Variants in SUCLG2 observed in about 807,000 individuals in gnomAD.
The protein encoded by SUCLG2 is succinate-CoA ligase GDP-forming subunit beta.
A neutral mutation model predicts 47.9 loss-of-function variants in SUCLG2; 42 were observed. That is an observed-to-expected ratio of 0.88 (90% CI 0.69 to 1.14). The LOEUF (loss-of-function observed/expected upper bound fraction) is 1.14. Among genes scored for constraint, SUCLG2 ranks in the 50% most tolerant of loss-of-function variants. SUCLG2 has a pLI of 0.00. For missense variants in SUCLG2, 571 were observed against 525.9 expected (o/e 1.09, Z -0.84); for synonymous variants, 195 against 197.3 (o/e 0.99, Z 0.10).
At chr3:67,396,254 A>G (rs992868668) in intron 10 of SUCLG2, among the ~76,000 whole-genome samples, 2 of 152,182 alleles carry the variant, frequency 1.3e-5, no homozygotes, top group African/African-American at 2.4e-5. Flanking sequence ...GAAAGGATCA[A>G]CAAAATTGAT....
intron 9 of SUCLG2, among the ~76,000 whole-genome samples, chr3:67,411,493 C>G (rs562897477): frequency 4.1e-4 from 62 of 152,072 alleles, no homozygotes; most frequent in Non-Finnish European, 7.5e-4. Context: ...GGATAAATAT[C>G]TGGCTGGAAA....
chr3:67,405,877 T>G (rs749179621), intron 9 of SUCLG2, among the ~76,000 whole-genome samples: 1 of 152,236 alleles, frequency 6.6e-6, no homozygotes, highest in Non-Finnish European at 1.5e-5. Flanking sequence ...GTATATGTAC[T>G]AACGCATTTA....
At chr3:67,505,310 A>G (rs2107087810) in intron 7 of SUCLG2, among the ~76,000 whole-genome samples, 1 of 152,338 alleles carries the variant, frequency 6.6e-6, no homozygotes, top group South Asian at 2.1e-4. Context: ...TCCACACCTT[A>G]GACTTCCCTG....
At chr3:67,567,190 A>G (rs1252837111) in intron 2 of SUCLG2, among the ~76,000 whole-genome samples, 1 of 152,226 alleles carries the variant, frequency 6.6e-6, no homozygotes, top group East Asian at 1.9e-4. Flanking sequence ...CTCAAAAGAA[A>G]AAAAAAAGGT....
At position 67,609,467 on chromosome 3, in the gene SUCLG2, C is replaced by G; in HGVS notation, c.214G>C (p.Ala72Pro). The change falls in exon 2 of 11, where the codon GCT (alanine) becomes CCT (proline). Residue 72 changes from alanine to proline, a missense_variant. Transcript: ENST00000307227. ...ADTANEALEA[A>P]KRLNAKEIVL... Reference sequence around the variant, plus strand: ...TGAATCAGCTTACTTAGTCTCTTAGCAGCCTCGAGAGCTTCATTTGCAGTG... The same window carrying G: ...TGAATCAGCTTACTTAGTCTCTTAGGAGCCTCGAGAGCTTCATTTGCAGTG... 6.2e-7 allele frequency: 1 copy of G among 1,612,076 alleles called. No individual in the cohort carries two copies. Among genetic ancestry groups the G allele is most frequent in the South Asian group, 1.1e-5 (1 of 90,908 alleles).
intron 9 of SUCLG2, among the ~76,000 whole-genome samples, chr3:67,457,904 T>C (rs1488437087): frequency 1.3e-5 from 2 of 150,558 alleles, no homozygotes; most frequent in African/African-American, 2.5e-5. Context: ...CTTTGGATCC[T>C]GGCTGAGTCT....
chr3:67,588,019 G>C lies in SUCLG2; in HGVS notation c.226+21436C>G, dbSNP rs963131997. ...AACAGATGGTCACTTAGAGACAGGA[G>C]AAGATGCTAGCATTCTGTTTTACAC... On this transcript the variant is annotated intron_variant, in intron 2 of 10. Coordinates refer to ENST00000307227, the MANE Select transcript of SUCLG2 (RefSeq NM_003848.4). Among the ~76,000 whole-genome samples, 2 of 152,188 alleles carry C rather than the reference G, an allele frequency of 1.3e-5. 1 individual carries two copies. Among genetic ancestry groups the C allele is most frequent in the Non-Finnish European group, 2.9e-5 (2 of 68,036 alleles).
downstream of SUCLG2, among the ~76,000 whole-genome samples, chr3:67,372,795 G>A (rs777714469): frequency 2.6e-5 from 4 of 152,022 alleles, no homozygotes; most frequent in Admixed American, 2.0e-4. Context: ...ACAATACTCC[G>A]TTGCTGTCAT....
chr3:67,376,212 G>C, intron 10 of SUCLG2: 1 of 985,384 alleles, frequency 1.0e-6, no homozygotes, highest in Non-Finnish European at 1.2e-6. Context: ...TCAGGGGTTT[G>C]GGCTGTGACC....
At chr3:67,525,741 G>C (rs947477373) in intron 4 of SUCLG2, among the ~76,000 whole-genome samples, 4 of 152,058 alleles carry the variant, frequency 2.6e-5, no homozygotes, top group African/African-American at 9.7e-5. Flanking sequence ...ACTTAGACCT[G>C]ATACTAAAAA....
In SUCLG2 at chr3:67,541,366, AC is replaced by A. The variant is rs575594103; in HGVS notation, c.227-12181del. On this transcript the variant is annotated intron_variant, in intron 2 of 10. Coordinates refer to ENST00000307227, the MANE Select transcript of SUCLG2 (RefSeq NM_003848.4). ...ACCAGTTTTGAGAAGAACATAAATG[AC>A]CTAATGGAGCTGAAGGATACACAAG... 1.7e-3 allele frequency among the ~76,000 whole-genome samples: 253 copies of A among 152,302 alleles called. 3 individuals carry two copies. The highest frequency in any genetic ancestry group is 2.1e-3 in the Non-Finnish European group (144 of 68,036).
intron 6 of SUCLG2, among the ~76,000 whole-genome samples, chr3:67,512,807 A>G (rs969899649): frequency 1.3e-5 from 2 of 150,552 alleles, no homozygotes; most frequent in African/African-American, 2.5e-5. Flanking sequence ...TGCCTCTGGC[A>G]ACATCATTCT....
chr3:67,369,477 A>C (rs531608275), intron 10 of SUCLG2, among the ~76,000 whole-genome samples: 1 of 152,232 alleles, frequency 6.6e-6, no homozygotes, highest in Non-Finnish European at 1.5e-5. Flanking sequence ...CTTATCTGAG[A>C]TCAGTTGTCT....
chr3:67,400,026 T>TAACAAACA (rs150323484), intron 10 of SUCLG2, among the ~76,000 whole-genome samples: 3 of 151,730 alleles, frequency 2.0e-5, no homozygotes, highest in Non-Finnish European at 4.4e-5. Flanking sequence ...ACAAACAAAC[T>TAACAAACA]AACAAACAAA....
intron 1 of SUCLG2, among the ~76,000 whole-genome samples, chr3:67,651,609 G>A (rs116406249): frequency 0.01 from 1,532 of 152,288 alleles, 32 homozygotes; most frequent in African/African-American, 0.034. Context: ...TTGTAGGGTG[G>A]AGGTAGTGAC....
chr3:67,622,026 T>C (rs1387723127), intron 1 of SUCLG2, among the ~76,000 whole-genome samples: 2 of 152,202 alleles, frequency 1.3e-5, no homozygotes, highest in Non-Finnish European at 2.9e-5. Context: ...AGTACCTCTA[T>C]CTGCTACAGT....
intron 9 of SUCLG2, among the ~76,000 whole-genome samples, chr3:67,402,880 G>C (rs937289687): frequency 6.6e-6 from 1 of 152,178 alleles, no homozygotes; most frequent in African/African-American, 2.4e-5. Flanking sequence ...ATTTTACAGA[G>C]TATAGTTTAC....
intron 2 of SUCLG2, among the ~76,000 whole-genome samples, chr3:67,595,115 T>C: frequency 6.6e-6 from 1 of 152,228 alleles, no homozygotes; most frequent in East Asian, 1.9e-4. Context: ...AGTATCATTC[T>C]CTATCATTAG....
chr3:67,367,484 T>C (rs1701892182), intron 10 of SUCLG2, among the ~76,000 whole-genome samples: 1 of 152,216 alleles, frequency 6.6e-6, no homozygotes, highest in Non-Finnish European at 1.5e-5. Context: ...TTTCTTTTGG[T>C]AATTTTTGTC....
Sources: allele counts gnomAD v4.1 joint callset (sites outside exome capture counted in the v4.1 genomes callset), GRCh38; gene constraint gnomAD v4.1.1; transcripts MANE v1.5; gene names NCBI Gene and HGNC (gene_info 2026-07-23, HGNC 2026-07-21).